SLC11A2: variants seen among roughly 807,000 people sequenced by gnomAD.
The protein encoded by SLC11A2 is natural resistance-associated macrophage protein 2.
SLC11A2 carries 38 observed loss-of-function variants against 68.0 expected under a neutral mutation model. The observed-to-expected ratio is 0.56, with a 90% CI of 0.43 to 0.73. SLC11A2 has a LOEUF of 0.73. Ranked by LOEUF, SLC11A2 falls within the 30% of genes least tolerant of loss-of-function variation. The probability of loss-of-function intolerance (pLI) is 0.00; values close to 1 mark genes in which losing one functional copy is unlikely to be tolerated. For synonymous variants in SLC11A2, 242 were observed against 250.6 expected (o/e 0.97, Z 0.32); for missense variants, 517 against 690.5 (o/e 0.75, Z 2.82).
At chr12:51,000,702 T>C (rs1942127943) in intron 5 of SLC11A2, 2 of 590,528 alleles carry the variant, frequency 3.4e-6, no homozygotes, top group African/African-American at 3.7e-5. Context: ...GAGAAGAATA[T>C]AATTGCCATT....
chr12:50,973,864 C>T, the SLC11A2 span, among the ~76,000 whole-genome samples: 6 of 151,954 alleles, frequency 3.9e-5, no homozygotes, highest in Non-Finnish European at 7.4e-5. Context: ...GTAGCTGATT[C>T]GATCAACTAG....
downstream of SLC11A2, among the ~76,000 whole-genome samples, chr12:50,976,630 T>C (rs1939852606): frequency 6.6e-6 from 1 of 152,172 alleles, no homozygotes; most frequent in Non-Finnish European, 1.5e-5. Context: ...CAACACAGTG[T>C]TGGAAGTTCT....
chr12:50,978,323 T>C (rs1939878630), downstream of SLC11A2, among the ~76,000 whole-genome samples: 1 of 151,850 alleles, frequency 6.6e-6, no homozygotes. Context: ...TAAACAATGA[T>C]GAGTTCATGT....
chr12:50,984,489 T>C (rs1940355004), downstream of SLC11A2, among the ~76,000 whole-genome samples: 3 of 152,232 alleles, frequency 2.0e-5, no homozygotes, highest in Admixed American at 1.3e-4. Context: ...GGTTGCAGTA[T>C]TGGTCCTGTG....
the SLC11A2 span, among the ~76,000 whole-genome samples, chr12:50,961,890 T>C: frequency 2.6e-5 from 4 of 152,196 alleles, no homozygotes; most frequent in African/African-American, 9.7e-5. Flanking sequence ...TGAGCTGTAA[T>C]GTGCTCCAAA....
chr12:51,002,843 G>A (rs1350274135), intron 5 of SLC11A2, among the ~76,000 whole-genome samples: 2 of 151,998 alleles, frequency 1.3e-5, no homozygotes, highest in East Asian at 3.9e-4. Context: ...AGGAGGCTGA[G>A]GCAGGAGAAT....
chr12:50,968,102 A>AGGAGGAGG, the SLC11A2 span, among the ~76,000 whole-genome samples: 11 of 147,240 alleles, frequency 7.5e-5, no homozygotes, highest in Non-Finnish European at 1.3e-4. Context: ...TAAGAAGAAG[A>AGGAGGAGG]AGGAGGAGGA....
At position 51,017,214 on chromosome 12, in the gene SLC11A2, A is replaced by G. The variant is rs146275724; in HGVS notation, c.-38-6448T>C. Among the ~76,000 whole-genome samples the G allele has an allele frequency of 1.5e-3, 232 of 152,308 alleles. 1 individual carries two copies. Among genetic ancestry groups the G allele is most frequent in the African/African-American group, 5.1e-3 (211 of 41,576 alleles). The stretch of plus-strand genomic sequence containing the variant: ...TTCCCACAGCATTGTTTGTAGTATG[A>G]AAAGACTGTAAACAACCTTGATATT... On this transcript the variant is annotated intron_variant, in intron 1 of 15. Transcript: ENST00000262052.
intron 1 of SLC11A2, among the ~76,000 whole-genome samples, chr12:51,021,640 G>C (rs906064572): frequency 4.2e-5 from 6 of 142,596 alleles, no homozygotes; most frequent in African/African-American, 1.5e-4. Flanking sequence ...AAAAAAAAAA[G>C]ACAACCACAA....
At chr12:50,959,644 TTTTG>T in the SLC11A2 span, among the ~76,000 whole-genome samples, 10,686 of 152,080 alleles carry the variant, frequency 0.07, 532 homozygotes, top group Non-Finnish European at 0.1. Flanking sequence ...TCGTTGTTGG[TTTTG>T]TTTGTTTTTT....
downstream of SLC11A2, chr12:50,979,938 G>A: frequency 2.2e-6 from 1 of 454,086 alleles, no homozygotes; most frequent in Non-Finnish European, 4.4e-6. Context: ...AAAGAAATGA[G>A]GAGTGAGCTG....
At chr12:50,952,911 C>T in the SLC11A2 span, among the ~76,000 whole-genome samples, 1 of 152,140 alleles carries the variant, frequency 6.6e-6, no homozygotes. Context: ...GAGTCAGGTA[C>T]TAAGACTCAA....
the SLC11A2 span, among the ~76,000 whole-genome samples, chr12:50,961,795 G>A: frequency 6.6e-6 from 1 of 152,186 alleles, no homozygotes; most frequent in Non-Finnish European, 1.5e-5. Flanking sequence ...CGTGCAGAGT[G>A]GAGTCATCCT....
the SLC11A2 span, among the ~76,000 whole-genome samples, chr12:50,960,285 A>C: frequency 1.3e-5 from 2 of 152,230 alleles, no homozygotes; most frequent in Non-Finnish European, 2.9e-5. Context: ...TTTACTCCTT[A>C]TTTGGTAACA....
Position 50,991,625 on chromosome 12 carries a change from T to A in SLC11A2, c.1395A>T (p.Pro465=). Residue 465 remains proline, a synonymous_variant, in exon 14 of 16, where the codon CCA becomes CCT. Coordinates refer to ENST00000262052, the MANE Select transcript of SLC11A2 (RefSeq NM_000617.3). ...IPILTFTSLR[P]VMSDFANGLG... is the part of the protein sequence containing the mutation. Reference sequence around the variant, plus strand: ...GTCCATTGGCAAAGTCACTCATTACTGGCCGCAAGCTCGTAAATGTGAGGA... The same window carrying A: ...GTCCATTGGCAAAGTCACTCATTACAGGCCGCAAGCTCGTAAATGTGAGGA... The A allele has an allele frequency of 6.2e-7, 1 of 1,613,990 alleles. No homozygotes were observed. Among genetic ancestry groups the A allele is most frequent in the Non-Finnish European group, 8.5e-7 (1 of 1,179,944 alleles).
chr12:51,010,467 G>A lies in SLC11A2; in HGVS notation c.34+228C>T, dbSNP rs187165764. Among the ~76,000 whole-genome samples, 6 of 148,332 alleles carry A rather than the reference G, an allele frequency of 4.0e-5. No homozygotes were observed. The East Asian group carries it at 1.0e-3, about 25-fold the overall frequency. On this transcript the variant is annotated intron_variant, in intron 2 of 15. Transcript: ENST00000262052. ...CATGAGGCGGAGGTTGCAGTGAGCC[G>A]AGATTGTGCCACTGCACTCCAACCT...
chr12:50,997,123 G>T (rs1941771589), intron 8 of SLC11A2, 151 bp from the exon 9 acceptor site: 2 of 701,428 alleles, frequency 2.9e-6, no homozygotes. Context: ...TGTCACCCAG[G>T]CTGGAATGCA....
chr12:51,026,540 G>C (rs410730), upstream of SLC11A2: 5 of 351,994 alleles, frequency 1.4e-5, no homozygotes, highest in African/African-American at 3.3e-5. Context: ...CCTGGGGCAC[G>C]CGGCGGCCCC....
chr12:50,984,433 C>T (rs1478454708), downstream of SLC11A2, among the ~76,000 whole-genome samples: 1 of 152,150 alleles, frequency 6.6e-6, no homozygotes, highest in East Asian at 1.9e-4. Flanking sequence ...GAAGCCTTTC[C>T]CAAGTGAGCA....
Sources: gnomAD v4.1 joint callset for allele counts (sites outside exome capture counted in the v4.1 genomes callset) on GRCh38, gnomAD v4.1.1 for gene constraint, MANE v1.5 for transcripts, NCBI Gene and HGNC (gene_info 2026-07-23, HGNC 2026-07-21) for gene names.